FOXP2: variants seen among roughly 807,000 people sequenced by gnomAD.
FOXP2 encodes the protein forkhead box P2.
FOXP2 carries 12 observed loss-of-function variants against 115.8 expected under a neutral mutation model. That is an observed-to-expected ratio of 0.10 (90% CI 0.07 to 0.17). FOXP2 has a LOEUF of 0.17. Among genes scored for constraint, FOXP2 ranks in the 10% least tolerant of loss-of-function variants. FOXP2 has a pLI of 1.00. For missense variants in FOXP2, 629 were observed against 843.5 expected, an observed-to-expected ratio of 0.75 and a Z score of 3.15; for synonymous variants, 328 against 297.7, an observed-to-expected ratio of 1.10 and a Z score of -1.05.
intron 1 of FOXP2, among the ~76,000 whole-genome samples, chr7:114,231,635 G>T (rs755921865): frequency 6.6e-6 from 1 of 152,202 alleles, no homozygotes; most frequent in Non-Finnish European, 1.5e-5. Flanking sequence ...GACAGTTTGT[G>T]TGATGAATGG....
At chr7:114,680,721 G>A (rs913874003) in intron 16 of FOXP2, among the ~76,000 whole-genome samples, 2 of 151,184 alleles carry the variant, frequency 1.3e-5, no homozygotes, top group African/African-American at 4.9e-5. Flanking sequence ...CTCCAGCCTG[G>A]GCAACAAGAG....
In FOXP2 at chr7:114,338,788, A is replaced by G. The variant is rs139487751; in HGVS notation, c.-11+50679A>G. Among the ~76,000 whole-genome samples the G allele has an allele frequency of 6.4e-3, 971 of 150,638 alleles. 7 individuals are homozygous for G. The highest frequency in any genetic ancestry group is 0.023 in the African/African-American group (938 of 41,322). On this transcript the variant is annotated intron_variant, in intron 2 of 17. Transcript: ENST00000634411. Reference sequence around the variant, plus strand: ...CACACACACACACACACACATCTACATACATATTTGATGAAAAGTTTGATA... The same window carrying G: ...CACACACACACACACACACATCTACGTACATATTTGATGAAAAGTTTGATA...
chr7:114,427,176 A>C (rs1052606033), intron 2 of FOXP2, among the ~76,000 whole-genome samples: 6 of 151,734 alleles, frequency 4.0e-5, no homozygotes, highest in African/African-American at 1.4e-4. Flanking sequence ...ATTGTAAATC[A>C]TGTAAACACT....
intron 9 of FOXP2, chr7:114,653,359 G>A (rs1200661846): frequency 1.8e-5 from 3 of 165,650 alleles, no homozygotes; most frequent in Middle Eastern, 5.1e-4. Flanking sequence ...AGGTCCGTCA[G>A]TTGTAATGAG....
intron 1 of FOXP2, among the ~76,000 whole-genome samples, chr7:114,221,230 C>A (rs1397889225): frequency 6.6e-6 from 1 of 151,908 alleles, no homozygotes; most frequent in Non-Finnish European, 1.5e-5. Context: ...GAATTTAATT[C>A]TGAATTATAA....
At chr7:114,212,004 C>T (rs1794365916) in intron 1 of FOXP2, among the ~76,000 whole-genome samples, 1 of 151,382 alleles carries the variant, frequency 6.6e-6, no homozygotes, top group African/African-American at 2.4e-5. Context: ...ACCCAGGAGG[C>T]GGGGGTTGCA....
intron 1 of FOXP2, among the ~76,000 whole-genome samples, chr7:114,417,160 T>C (rs1371147811): frequency 6.6e-6 from 1 of 151,952 alleles, no homozygotes; most frequent in Non-Finnish European, 1.5e-5. Context: ...ATGAGGTTTG[T>C]GATTAGTTGA....
chr7:114,659,251 G>A, intron 11 of FOXP2, 105 bp from the exon 12 acceptor site: 1 of 820,406 alleles, frequency 1.2e-6, no homozygotes. Context: ...CTAGTCGGTG[G>A]CTTCCTCACT....
chr7:114,686,396 C>T (rs1204404602), intron 16 of FOXP2, among the ~76,000 whole-genome samples: 1 of 152,162 alleles, frequency 6.6e-6, no homozygotes, highest in African/African-American at 2.4e-5. Flanking sequence ...TGGTCTTGAA[C>T]CCCTGACCTC....
intron 2 of FOXP2, among the ~76,000 whole-genome samples, chr7:114,433,325 A>G (rs915330376): frequency 6.6e-6 from 1 of 152,010 alleles, no homozygotes; most frequent in Non-Finnish European, 1.5e-5. Flanking sequence ...TTAATTTCAT[A>G]TCAAATAAAT....
At position 114,642,564 on chromosome 7, in the gene FOXP2, A is replaced by G. The variant is rs1159426664; in HGVS notation, c.930A>G (p.Pro310=). The change falls in exon 7 of 17, where the codon CCA becomes CCG. Residue 310 remains proline (P), a synonymous_variant. Coordinates refer to ENST00000350908, the MANE Select transcript of FOXP2 (RefSeq NM_014491.4). ...TSSNTSKASP[P]ITHHSIVNGQ... is the part of the protein sequence containing the mutation. ...CCAACACTTCCAAAGCATCACCACC[A>G]ATAACTCATCATTCCATAGTGAATG... 4 of 1,613,822 alleles carry G rather than the reference A, an allele frequency of 2.5e-6. No homozygotes were observed. Among genetic ancestry groups the G allele is most frequent in the Non-Finnish European group, 3.4e-6 (4 of 1,179,950 alleles).
chr7:114,280,784 T>C (rs1028674809), intron 1 of FOXP2, among the ~76,000 whole-genome samples: 2 of 152,178 alleles, frequency 1.3e-5, no homozygotes, highest in African/African-American at 4.8e-5. Flanking sequence ...TTCAGACAAG[T>C]GTGTCACTTT....
At chr7:114,627,778 T>A (rs546366705) in intron 3 of FOXP2, among the ~76,000 whole-genome samples, 2 of 152,154 alleles carry the variant, frequency 1.3e-5, no homozygotes, top group Non-Finnish European at 2.9e-5. Context: ...TGAATAACCT[T>A]TGAGTAATTG....
intron 2 of FOXP2, among the ~76,000 whole-genome samples, chr7:114,402,948 A>G (rs1345867547): frequency 6.6e-6 from 1 of 152,070 alleles, no homozygotes; most frequent in African/African-American, 2.4e-5. Context: ...GCCCGACCAC[A>G]TGCAAGTGAT....
rs539859086 is a variant in FOXP2 at position 114,178,917 on chromosome 7, A to G, written c.-102+15829A>G. Among the ~76,000 whole-genome samples the G allele has an allele frequency of 2.0e-5, 3 of 152,034 alleles. No individual in the cohort carries two copies. The South Asian group carries it at 6.2e-4, about 32-fold the overall frequency. On this transcript the variant is annotated intron_variant, in intron 1 of 17. Coordinates refer to the FOXP2 transcript ENST00000634411. ...TCCCTCTTTTTCTTTATGAACGTCA[A>G]CACAATCTCCTCTCCATAAACAAAT...
chr7:114,427,499 A>G (rs149037986), intron 2 of FOXP2, among the ~76,000 whole-genome samples: 1 of 151,734 alleles, frequency 6.6e-6, no homozygotes, highest in Non-Finnish European at 1.5e-5. Flanking sequence ...CTTTGAAAGC[A>G]TATACTTATA....
chr7:114,505,779 TTTAA>T (rs1413063442), intron 2 of FOXP2, among the ~76,000 whole-genome samples: 4 of 151,652 alleles, frequency 2.6e-5, no homozygotes, highest in African/African-American at 9.7e-5. Flanking sequence ...TACACCTCTC[TTTAA>T]TTGATAAAAA....
chr7:114,416,546 G>A (rs1793354215), intron 1 of FOXP2: 1 of 144,926 alleles, frequency 6.9e-6, no homozygotes, highest in Admixed American at 6.9e-5. Context: ...TATTTAATGT[G>A]TGCTTAGAAT....
chr7:114,475,672 A>G (rs1399133311), intron 2 of FOXP2, among the ~76,000 whole-genome samples: 2 of 152,076 alleles, frequency 1.3e-5, no homozygotes, highest in East Asian at 3.8e-4. Context: ...TTTAGAGAAA[A>G]ATATGACTAT....
Sources: gnomAD v4.1 joint callset for allele counts (sites outside exome capture counted in the v4.1 genomes callset) on GRCh38, gnomAD v4.1.1 for gene constraint, MANE v1.5 for transcripts, NCBI Gene and HGNC (gene_info 2026-07-23, HGNC 2026-07-21) for gene names.